Variants in ARHGAP42 observed in about 807,000 individuals in gnomAD.
ARHGAP42 encodes the protein rho GTPase-activating protein 42.
A neutral mutation model predicts 125.0 loss-of-function variants in ARHGAP42; 63 were observed. That is an observed-to-expected ratio of 0.50 (90% confidence interval 0.41 to 0.62). The LOEUF (loss-of-function observed/expected upper bound fraction) is 0.62, where lower values mean the gene tolerates loss of function less well. ARHGAP42 is among the 20% of genes least tolerant of loss of function. The pLI, the probability that ARHGAP42 is intolerant of heterozygous loss-of-function variation, is 0.00. For synonymous variants in ARHGAP42, 339 were observed against 351.0 expected, an observed-to-expected ratio of 0.97 and a Z score of 0.38; for missense variants, 766 against 1,024.2, an observed-to-expected ratio of 0.75 and a Z score of 3.44.
intron 3 of ARHGAP42, among the ~76,000 whole-genome samples, chr11:100,857,320 G>T (rs1177090427): frequency 6.6e-6 from 1 of 152,080 alleles, no homozygotes; most frequent in African/African-American, 2.4e-5. Context: ...AGGCCACAGG[G>T]TGGCTGTTAA....
chr11:100,880,746 A>G (rs1321213503), intron 4 of ARHGAP42, among the ~76,000 whole-genome samples: 1 of 152,184 alleles, frequency 6.6e-6, no homozygotes, highest in Non-Finnish European at 1.5e-5. Context: ...CACTGCATCC[A>G]TGCCAACATC....
intron 4 of ARHGAP42, among the ~76,000 whole-genome samples, chr11:100,888,837 T>C (rs1819494938): frequency 6.6e-6 from 1 of 152,160 alleles, no homozygotes; most frequent in African/African-American, 2.4e-5. Flanking sequence ...TGTGGTTCCA[T>C]TGTCACCTTG....
chr11:100,934,729 A>C (rs1290946362), intron 7 of ARHGAP42, among the ~76,000 whole-genome samples: 1 of 152,208 alleles, frequency 6.6e-6, no homozygotes, highest in Non-Finnish European at 1.5e-5. Context: ...TACAAAGTGT[A>C]TGTTTTTCTG....
At chr11:100,885,154 T>G (rs1400663465) in intron 4 of ARHGAP42, among the ~76,000 whole-genome samples, 7 of 152,220 alleles carry the variant, frequency 4.6e-5, no homozygotes, top group Admixed American at 2.6e-4. Context: ...ACTCCTCTGC[T>G]GTTCCCTGTG....
intron 3 of ARHGAP42, among the ~76,000 whole-genome samples, chr11:100,802,248 C>T (rs1863872517): frequency 6.6e-6 from 1 of 152,104 alleles, no homozygotes; most frequent in South Asian, 2.1e-4. Flanking sequence ...AACAAGAGAA[C>T]TCCCTGGAAA....
intron 2 of ARHGAP42, among the ~76,000 whole-genome samples, chr11:100,785,215 C>T (rs1383248732): frequency 6.6e-6 from 1 of 152,010 alleles, no homozygotes; most frequent in Admixed American, 6.6e-5. Flanking sequence ...GGACGAGGGC[C>T]CCTTTTCTGA....
In ARHGAP42 at chr11:100,899,836, A is replaced by T. The variant is rs769394580; in HGVS notation, c.385-13616A>T. 6.0e-5 allele frequency among the ~76,000 whole-genome samples: 9 copies of T among 150,514 alleles called. No individual in the cohort carries two copies. The East Asian group carries it at 7.8e-4, about 13-fold the overall frequency. On this transcript the variant is annotated intron_variant, in intron 4 of 23. Transcript: ENST00000298815. ...GGGATGGGTCTCCTGAATACAGCAC[A>T]CTGATAGGTCTTGACTCTTTATCCA...
chr11:100,766,077 T>C (rs1470115163), intron 1 of ARHGAP42, among the ~76,000 whole-genome samples: 1 of 152,248 alleles, frequency 6.6e-6, no homozygotes, highest in Non-Finnish European at 1.5e-5. Context: ...CATCATCTAA[T>C]CATGGAAGCT....
rs182980068 is a variant in ARHGAP42 at position 100,756,097 on chromosome 11, C to T, written c.155-14246C>T. Among the ~76,000 whole-genome samples, 6 of 151,782 alleles carry T rather than the reference C, an allele frequency of 4.0e-5. No homozygotes were observed. The East Asian group carries it at 7.8e-4, about 20-fold the overall frequency. ...ATTGGATAGAGGTCTTACAATATATCGTCTTTGGCCAGGCATGGTGGGTCA... is the reference window on the plus strand; with the variant it reads ...ATTGGATAGAGGTCTTACAATATATTGTCTTTGGCCAGGCATGGTGGGTCA... On this transcript the variant is annotated intron_variant, in intron 1 of 23. Coordinates refer to ENST00000298815, the MANE Select transcript of ARHGAP42 (RefSeq NM_152432.4).
rs142725608 is a variant in ARHGAP42 at position 100,893,158 on chromosome 11, GGT to G, written c.385-20265_385-20264del. On this transcript the variant is annotated intron_variant, in intron 4 of 23. Transcript: ENST00000298815. ...ATCCTTACTCAGAGAAACATTTAGG[GGT>G]GTGTGTGTGTGTGTGTGTGTGTGTG... is the stretch of plus-strand genomic sequence containing the variant. Among the ~76,000 whole-genome samples, 921 of 147,010 alleles carry G rather than the reference GGT, an allele frequency of 6.3e-3. 5 individuals carry two copies. The highest frequency in any genetic ancestry group is 0.02 in the African/African-American group (790 of 39,952).
intron 10 of ARHGAP42, among the ~76,000 whole-genome samples, chr11:100,947,596 T>C (rs1020503424): frequency 6.6e-6 from 1 of 152,104 alleles, no homozygotes; most frequent in Non-Finnish European, 1.5e-5. Flanking sequence ...AATATTTTAT[T>C]TTTGGTATTA....
chr11:100,816,353 A>T (rs61890789), intron 3 of ARHGAP42, among the ~76,000 whole-genome samples: 9,651 of 152,088 alleles, frequency 0.063, 366 homozygotes, highest in East Asian at 0.18. Context: ...CCTAATGGGT[A>T]TGACAACTTT....
At chr11:100,980,868 G>C (rs967583134) in intron 22 of ARHGAP42, among the ~76,000 whole-genome samples, 1 of 152,054 alleles carries the variant, frequency 6.6e-6, no homozygotes, top group Admixed American at 6.6e-5. Context: ...ACTGCACCCA[G>C]CCAACTCATA....
intron 1 of ARHGAP42, among the ~76,000 whole-genome samples, chr11:100,693,016 A>G (rs1861216723): frequency 1.3e-5 from 2 of 152,222 alleles, no homozygotes; most frequent in African/African-American, 2.4e-5. Flanking sequence ...TAGCACAAGG[A>G]AAGAATTAAA....
chr11:100,811,534 T>C (rs1864142883), intron 3 of ARHGAP42, among the ~76,000 whole-genome samples: 1 of 151,758 alleles, frequency 6.6e-6, no homozygotes, highest in Non-Finnish European at 1.5e-5. Context: ...AGATGGAGTC[T>C]TGCTCTGTTA....
At chr11:100,852,761 A>G (rs1431038323) in intron 3 of ARHGAP42, among the ~76,000 whole-genome samples, 1 of 152,168 alleles carries the variant, frequency 6.6e-6, no homozygotes, top group Admixed American at 6.6e-5. Flanking sequence ...TGTTACAGGA[A>G]TATTTTTGGC....
At chr11:100,891,701 C>G (rs1866223552) in intron 4 of ARHGAP42, among the ~76,000 whole-genome samples, 1 of 152,130 alleles carries the variant, frequency 6.6e-6, no homozygotes. Flanking sequence ...CCTTGGCCTC[C>G]CTAAGTGCTG....
At chr11:100,692,731 A>G (rs186001372) in intron 1 of ARHGAP42, among the ~76,000 whole-genome samples, 1 of 152,294 alleles carries the variant, frequency 6.6e-6, no homozygotes, top group Non-Finnish European at 1.5e-5. Flanking sequence ...ACAGTTTCTT[A>G]AAGGTGTCTA....
At chr11:100,874,916 G>C (rs912604312) in intron 4 of ARHGAP42, among the ~76,000 whole-genome samples, 18 of 152,074 alleles carry the variant, frequency 1.2e-4, no homozygotes, top group African/African-American at 4.3e-4. Context: ...CTCAAAGCAC[G>C]TATCTCAGGA....
Sources: gnomAD v4.1 joint callset for allele counts (sites outside exome capture counted in the v4.1 genomes callset) on GRCh38, gnomAD v4.1.1 for gene constraint, MANE v1.5 for transcripts, NCBI Gene and HGNC (gene_info 2026-07-23, HGNC 2026-07-21) for gene names.